Variants in TPST2 observed in about 807,000 individuals in gnomAD.
TPST2 encodes the protein protein-tyrosine sulfotransferase 2.
Under a neutral mutation model 27.8 loss-of-function variants are expected in TPST2, and 16 were observed. The ratio of observed to expected loss-of-function variants is 0.58; its 90% CI spans 0.39 to 0.88. The LOEUF (loss-of-function observed/expected upper bound fraction) is 0.88. Among genes scored for constraint, TPST2 ranks in the 40% least tolerant of loss-of-function variants. The pLI, the probability that TPST2 is intolerant of heterozygous loss-of-function variation, is 0.00. For synonymous variants in TPST2, 229 were observed against 231.7 expected, an observed-to-expected ratio of 0.99 and a Z score of 0.10; for missense variants, 464 against 543.1, an observed-to-expected ratio of 0.85 and a Z score of 1.45.
chr22:26,589,498 A>T (rs868224857), intron 1 of TPST2, among the ~76,000 whole-genome samples: 1 of 149,136 alleles, frequency 6.7e-6, no homozygotes, highest in African/African-American at 2.5e-5. Context: ...ATTCCTCTCC[A>T]CTCCTCACCA....
intron 1 of TPST2, among the ~76,000 whole-genome samples, chr22:26,573,151 A>G (rs895836330): frequency 5.9e-5 from 9 of 152,176 alleles, no homozygotes; most frequent in African/African-American, 2.2e-4. Flanking sequence ...TTCCCACCTC[A>G]GCCCCTCGAG....
chr22:26,575,853 G>A (rs555681272), intron 1 of TPST2, among the ~76,000 whole-genome samples: 2 of 152,104 alleles, frequency 1.3e-5, no homozygotes, highest in East Asian at 3.9e-4. Context: ...AAAATTAGCC[G>A]GGCCTGGTGA....
intron 1 of TPST2, among the ~76,000 whole-genome samples, chr22:26,589,779 G>T (rs1034412809): frequency 2.0e-5 from 3 of 152,150 alleles, no homozygotes; most frequent in Admixed American, 6.5e-5. Flanking sequence ...GGTCCGAAGC[G>T]GGAAGCGTGG....
chr22:26,534,090 G>C (rs1192250373), intron 4 of TPST2, among the ~76,000 whole-genome samples: 1 of 152,032 alleles, frequency 6.6e-6, no homozygotes, highest in Non-Finnish European at 1.5e-5. Context: ...CACCTAACAG[G>C]ACCTCTCACT....
chr22:26,564,572 C>A (rs1343984495), intron 1 of TPST2, among the ~76,000 whole-genome samples: 1 of 152,208 alleles, frequency 6.6e-6, no homozygotes, highest in African/African-American at 2.4e-5. Flanking sequence ...TCAGTTTCCT[C>A]CCCTAAAAAT....
intron 1 of TPST2, among the ~76,000 whole-genome samples, chr22:26,574,851 C>T (rs1927769378): frequency 6.6e-6 from 1 of 152,138 alleles, no homozygotes; most frequent in African/African-American, 2.4e-5. Context: ...CCAGGAGAAC[C>T]CAACTAGAAG....
At chr22:26,556,962 T>TG (rs1409405421) in intron 1 of TPST2, among the ~76,000 whole-genome samples, 1 of 152,270 alleles carries the variant, frequency 6.6e-6, no homozygotes, top group Non-Finnish European at 1.5e-5. Flanking sequence ...CTCATGCCTG[T>TG]GATCCCAGCT....
intron 1 of TPST2, among the ~76,000 whole-genome samples, chr22:26,586,414 TA>T (rs1356100202): frequency 1.3e-5 from 2 of 152,104 alleles, no homozygotes; most frequent in African/African-American, 4.8e-5. Flanking sequence ...CACGCCTGGC[TA>T]ATTTTTGTAT....
Position 26,561,420 on chromosome 22 carries a change from G to A in TPST2, c.-160-16745C>T, listed in dbSNP as rs3966165. Among the ~76,000 whole-genome samples the A allele has an allele frequency of 3.4e-3, 522 of 152,292 alleles. 15 individuals are homozygous for A. The East Asian group carries it at 0.066, about 19-fold the overall frequency. ...GTAAATTGGCATGGAAATTTAAAGCGGGTTCTTGTTGGTGCACAGCACAAA... is the reference window on the plus strand; with the variant it reads ...GTAAATTGGCATGGAAATTTAAAGCAGGTTCTTGTTGGTGCACAGCACAAA... On this transcript the variant is annotated intron_variant, in intron 1 of 6. Coordinates refer to ENST00000338754, the MANE Select transcript of TPST2 (RefSeq NM_003595.5).
intron 1 of TPST2, among the ~76,000 whole-genome samples, chr22:26,577,312 T>C (rs2147237266): frequency 6.7e-6 from 1 of 149,164 alleles, no homozygotes; most frequent in South Asian, 2.1e-4. Flanking sequence ...GCTTACTGTG[T>C]GCCTGGGGGG....
At position 26,528,246 on chromosome 22, in the gene TPST2, G is replaced by A. The variant is rs1420095816; in HGVS notation, c.1109C>T (p.Thr370Ile). 5.8e-6 allele frequency: 9 copies of A among 1,564,146 alleles called. No homozygotes were observed. The highest frequency in any genetic ancestry group is 7.8e-6 in the Non-Finnish European group (9 of 1,152,560). ...KGYFQVNQNS[T>I]SSHLGSS ...TCACGAGCTTCCTAAGTGGGAGGAG[G>A]TGCTGTTCTGGTTCACCTGGAGAAA... The change falls in exon 6 of 7, where the codon ACC (threonine) becomes ATC (isoleucine). Residue 370 changes from threonine to isoleucine, a missense_variant. Thr to Ile is a moderately conservative substitution (Grantham distance 89). Transcript: ENST00000338754.
At chr22:26,585,916 G>A (rs1486188017) in intron 1 of TPST2, among the ~76,000 whole-genome samples, 1 of 152,080 alleles carries the variant, frequency 6.6e-6, no homozygotes, top group Admixed American at 6.5e-5. Flanking sequence ...TCAGGCATAT[G>A]CCTGTAGTTC....
intron 1 of TPST2, among the ~76,000 whole-genome samples, chr22:26,570,959 C>A (rs990184962): frequency 6.6e-6 from 1 of 152,224 alleles, no homozygotes; most frequent in Admixed American, 6.5e-5. Flanking sequence ...CCACTCTGGT[C>A]CAAGCCACCT....
At chr22:26,555,415 G>C in intron 1 of TPST2, 1 of 363,662 alleles carries the variant, frequency 2.7e-6, no homozygotes, top group Admixed American at 3.6e-5. Context: ...ATCTTGGTGT[G>C]GCCACTCACC....
At position 26,532,752 on chromosome 22, in the gene TPST2, A is replaced by G; in HGVS notation, c.1042-7T>C. On this transcript the variant is annotated splice_region_variant and splice_polypyrimidine_tract_variant and intron_variant, in intron 4 of 6. Coordinates refer to ENST00000338754, the MANE Select transcript of TPST2 (RefSeq NM_003595.5). ...TATAGTCCCCTTTCAAGACCTAAGG[A>G]AGAGAAAAAGAAATATCACTATTAT... The G allele has an allele frequency of 6.2e-7, 1 of 1,612,134 alleles. No individual in the cohort carries two copies. The highest frequency in any genetic ancestry group is 8.5e-7 in the Non-Finnish European group (1 of 1,179,408).
chr22:26,528,838 C>T (rs946315128), intron 5 of TPST2, among the ~76,000 whole-genome samples: 4 of 151,888 alleles, frequency 2.6e-5, no homozygotes, highest in African/African-American at 7.3e-5. Flanking sequence ...AAAAATTAGC[C>T]GGGTGTGGTG....
intron 5 of TPST2, among the ~76,000 whole-genome samples, chr22:26,528,826 AC>A (rs1924985052): frequency 6.6e-6 from 1 of 152,028 alleles, no homozygotes; most frequent in African/African-American, 2.4e-5. Flanking sequence ...CTACTAAAAT[AC>A]AAAAATTAGC....
chr22:26,562,591 G>T (rs1031296998), intron 1 of TPST2, among the ~76,000 whole-genome samples: 8 of 148,808 alleles, frequency 5.4e-5, no homozygotes, highest in African/African-American at 2.0e-4. Flanking sequence ...AGTTTGGAGG[G>T]GAGCCATCTA....
intron 1 of TPST2, among the ~76,000 whole-genome samples, chr22:26,588,980 C>G (rs1020117110): frequency 3.3e-5 from 5 of 152,074 alleles, no homozygotes; most frequent in African/African-American, 1.2e-4. Context: ...AGGAAGCACC[C>G]AACAATACCA....
Sources: allele counts gnomAD v4.1 joint callset (sites outside exome capture counted in the v4.1 genomes callset), GRCh38; gene constraint gnomAD v4.1.1; transcripts MANE v1.5; gene names NCBI Gene and HGNC (gene_info 2026-07-23, HGNC 2026-07-21).